The following ATG10 variants were observed in gnomAD, a reference collection of about 807,000 sequenced individuals.
ATG10 encodes autophagy related 10.
A neutral mutation model predicts 32.1 loss-of-function variants in ATG10; 30 were observed. The observed-to-expected ratio is 0.94, with a 90% CI of 0.70 to 1.27. The LOEUF (loss-of-function observed/expected upper bound fraction) is 1.27. ATG10 is among the 50% of genes most tolerant of loss of function. The pLI, the probability that ATG10 is intolerant of heterozygous loss-of-function variation, is 0.00. For synonymous variants in ATG10, 87 were observed against 91.5 expected (o/e 0.95, Z 0.28); for missense variants, 233 against 262.3 (o/e 0.89, Z 0.77).
chr5:82,099,382 A>G (rs571972081), intron 3 of ATG10, among the ~76,000 whole-genome samples: 1 of 152,114 alleles, frequency 6.6e-6, no homozygotes, highest in African/African-American at 2.4e-5. Flanking sequence ...TTGAGAAAAT[A>G]TTTACTTTAT....
intron 3 of ATG10, among the ~76,000 whole-genome samples, chr5:82,124,272 G>C (rs1766165145): frequency 6.6e-6 from 1 of 150,974 alleles, no homozygotes; most frequent in African/African-American, 2.4e-5. Flanking sequence ...CAAAGTGCTG[G>C]GATTACAGAC....
chr5:81,986,936 G>A (rs1490184557), intron 1 of ATG10, among the ~76,000 whole-genome samples: 2 of 151,914 alleles, frequency 1.3e-5, no homozygotes, highest in African/African-American at 2.4e-5. Flanking sequence ...CCCGCTCCTC[G>A]AGAGGCTGAG....
chr5:82,116,394 T>G (rs1765809757), intron 3 of ATG10, among the ~76,000 whole-genome samples: 1 of 152,124 alleles, frequency 6.6e-6, no homozygotes. Flanking sequence ...ATTTTATTTA[T>G]TAATAAAGAT....
intron 3 of ATG10, 151 bp from the exon 4 acceptor site, chr5:82,164,247 AC>A: frequency 1.4e-6 from 1 of 717,110 alleles, no homozygotes; most frequent in South Asian, 1.8e-5. Flanking sequence ...CAAATGTTAA[AC>A]ATTAATATGG....
intron 1 of ATG10, among the ~76,000 whole-genome samples, chr5:81,986,727 A>G (rs781383589): frequency 6.6e-6 from 1 of 152,174 alleles, no homozygotes; most frequent in Non-Finnish European, 1.5e-5. Context: ...GCTAAGCACC[A>G]AAGATATAGA....
intron 5 of ATG10, among the ~76,000 whole-genome samples, chr5:82,215,404 A>C (rs1745637998): frequency 6.6e-6 from 1 of 152,242 alleles, no homozygotes; most frequent in South Asian, 2.1e-4. Flanking sequence ...GAAGCAAGAC[A>C]GTAGATCCAG....
intron 3 of ATG10, among the ~76,000 whole-genome samples, chr5:82,135,813 G>C (rs1766712841): frequency 6.6e-6 from 1 of 152,130 alleles, no homozygotes; most frequent in African/African-American, 2.4e-5. Flanking sequence ...AATATTGACA[G>C]TGGGGTGTTA....
intron 3 of ATG10, among the ~76,000 whole-genome samples, chr5:82,154,384 A>G (rs970369225): frequency 1.1e-4 from 16 of 152,206 alleles, no homozygotes; most frequent in African/African-American, 3.6e-4. Context: ...TGTATCCTAT[A>G]ACATTTTTTG....
At chr5:82,243,006 C>G (rs1452923902) in intron 5 of ATG10, 11 of 309,300 alleles carry the variant, frequency 3.6e-5, no homozygotes, top group Non-Finnish European at 6.3e-5. Context: ...AACAGTAGTA[C>G]ATAAATCAGT....
At chr5:82,071,274 C>T (rs1353976126) in intron 3 of ATG10, among the ~76,000 whole-genome samples, 1 of 152,058 alleles carries the variant, frequency 6.6e-6, no homozygotes, top group Non-Finnish European at 1.5e-5. Flanking sequence ...CAGAAGTGCC[C>T]CCAGCTTTCC....
intron 5 of ATG10, among the ~76,000 whole-genome samples, chr5:82,226,438 G>T (rs1746134334): frequency 6.6e-6 from 1 of 151,740 alleles, no homozygotes; most frequent in Admixed American, 6.6e-5. Flanking sequence ...CCATTACTCA[G>T]TTCAGTCTTC....
chr5:81,996,016 T>C (rs1216558962), intron 2 of ATG10, among the ~76,000 whole-genome samples: 3 of 152,250 alleles, frequency 2.0e-5, no homozygotes, highest in Non-Finnish European at 4.4e-5. Context: ...CTGCGATTGC[T>C]AAATATTTGA....
chr5:82,124,925 A>G (rs1197576300), intron 3 of ATG10, among the ~76,000 whole-genome samples: 1 of 152,096 alleles, frequency 6.6e-6, no homozygotes, highest in Non-Finnish European at 1.5e-5. Context: ...AAGCATTCCT[A>G]TTTCTCCACA....
chr5:81,980,267 A>G (rs1760997643), intron 1 of ATG10, among the ~76,000 whole-genome samples: 1 of 152,072 alleles, frequency 6.6e-6, no homozygotes, highest in South Asian at 2.1e-4. Context: ...TTTGATTTCC[A>G]TATTCCTAGT....
chr5:82,010,177 G>T, intron 2 of ATG10: 1 of 1,163,734 alleles, frequency 8.6e-7, no homozygotes, highest in Non-Finnish European at 1.3e-6. Flanking sequence ...CTTGGAGAAT[G>T]TTTCCAAGTA....
chr5:82,244,528 T>G (rs754273228), intron 5 of ATG10, among the ~76,000 whole-genome samples: 8 of 152,156 alleles, frequency 5.3e-5, no homozygotes. Context: ...TTCCTTCCCC[T>G]GCTTGAGGGG....
At chr5:82,225,334 A>G (rs1278110852) in intron 5 of ATG10, among the ~76,000 whole-genome samples, 1 of 152,210 alleles carries the variant, frequency 6.6e-6, no homozygotes, top group Non-Finnish European at 1.5e-5. Context: ...TTTGGGGACC[A>G]TAACATTAGG....
At chr5:82,128,736 C>T (rs917968090) in intron 3 of ATG10, among the ~76,000 whole-genome samples, 2 of 143,386 alleles carry the variant, frequency 1.4e-5, no homozygotes, top group Non-Finnish European at 3.1e-5. Context: ...AAATGGAAGT[C>T]TGATGGGCTT....
chr5:81,972,517 T>A (rs576035472), intron 1 of ATG10: 12 of 152,286 alleles, frequency 7.9e-5, no homozygotes, highest in African/African-American at 2.9e-4. Flanking sequence ...GGACACTCCC[T>A]CCTCGGGGAC....
Sources: gnomAD v4.1 joint callset for allele counts (sites outside exome capture counted in the v4.1 genomes callset) on GRCh38, gnomAD v4.1.1 for gene constraint, MANE v1.5 for transcripts, NCBI Gene and HGNC (gene_info 2026-07-23, HGNC 2026-07-21) for gene names.